Variants in TOP2B observed in about 807,000 individuals in gnomAD.
TOP2B encodes DNA topoisomerase II beta.
In TOP2B, 51 loss-of-function variants were observed where a neutral mutation model predicts 193.5. That is an observed-to-expected ratio of 0.26 (90% CI 0.21 to 0.33). The LOEUF (loss-of-function observed/expected upper bound fraction) is 0.33, where lower values mean the gene tolerates loss of function less well. Among genes scored for constraint, TOP2B ranks in the 10% least tolerant of loss-of-function variants. The pLI is 1.00. For synonymous variants in TOP2B, 634 were observed against 635.7 expected (o/e 1.00, Z 0.04); for missense variants, 1,378 against 1,909.3 (o/e 0.72, Z 5.19).
At chr3:25,614,989 TTTAA>T (rs1559495052) in intron 27 of TOP2B, among the ~76,000 whole-genome samples, 1 of 152,052 alleles carries the variant, frequency 6.6e-6, no homozygotes. Context: ...TGAAAGCAGA[TTTAA>T]TTTATTCTAA....
At chr3:25,631,894 A>T (rs190090394) in intron 10 of TOP2B, among the ~76,000 whole-genome samples, 1 of 152,156 alleles carries the variant, frequency 6.6e-6, no homozygotes, top group East Asian at 1.9e-4. Context: ...GTTCTAGGGC[A>T]GTTATAGAGC....
chr3:25,625,921 C>A (rs1702788668), intron 18 of TOP2B, among the ~76,000 whole-genome samples: 1 of 151,938 alleles, frequency 6.6e-6, no homozygotes. Context: ...TATCTAAGAC[C>A]AATTTAGAGT....
chr3:25,598,257 A>AAAGGACAACACAAGATAT lies in TOP2B; in HGVS notation c.*32_*49dup. The AAAGGACAACACAAGATAT allele has an allele frequency of 6.5e-7, 1 of 1,534,892 alleles. No homozygotes were observed. The highest frequency in any genetic ancestry group is 8.8e-7 in the Non-Finnish European group (1 of 1,133,988). Reference sequence around the variant, plus strand: ...ACAAAAGTCTGAGACAGAGAAGACAAAAGGACAACACAAGATATTTGTTGA... The same window carrying AAAGGACAACACAAGATAT: ...ACAAAAGTCTGAGACAGAGAAGACAAAAGGACAACACAAGATATAAGGACAACACAAGATATTTGTTGA... On this transcript the variant is annotated 3_prime_UTR_variant, in exon 36 of 36. Transcript: ENST00000264331.
At chr3:25,607,025 A>C in intron 31 of TOP2B, 146 bp downstream of exon 31, 1,096 of 980,646 alleles carry the variant, frequency 1.1e-3, no homozygotes, top group Non-Finnish European at 1.3e-3. Flanking sequence ...TGTGATGGGA[A>C]CAGCTGCAAT....
intron 1 of TOP2B, among the ~76,000 whole-genome samples, chr3:25,657,213 G>A (rs11917359): frequency 0.16 from 24,662 of 152,036 alleles, 3,266 homozygotes; most frequent in African/African-American, 0.37. Context: ...ACTCCTGTTT[G>A]TCAGCAGAAA....
rs745816721 is a variant in TOP2B at position 25,598,460 on chromosome 3, A to AGAT, written c.4725_4727dup (p.Ser1576dup). On this transcript the variant is annotated inframe_insertion, in exon 36 of 36. Coordinates refer to ENST00000264331, the MANE Select transcript of TOP2B (RefSeq NM_001330700.2). ...TGTCCACATCTGAATCCTGATCAAA[A>AGAT]GATGTCTTCTTCGGTTTCTAGATTT... 61 of 1,589,452 alleles carry AGAT rather than the reference A, an allele frequency of 3.8e-5. No individual in the cohort carries two copies. Among genetic ancestry groups the AGAT allele is most frequent in the East Asian group, 3.8e-4 (17 of 44,580 alleles).
rs191315549 is a variant in TOP2B, at chr3:25,601,256, A to G, written c.4490-31T>C. 3.1e-5 allele frequency: 49 copies of G among 1,598,982 alleles called. No individual in the cohort carries two copies. In the African/African-American group the frequency reaches 6.3e-4, roughly 20 times the overall value. ...AAGCAAATTTCCATTTCACAGGTCA[A>G]TATACTTACCAACAAACCAAACTGA... On this transcript the variant is annotated intron_variant, in intron 33 of 35. Coordinates refer to ENST00000264331, the MANE Select transcript of TOP2B (RefSeq NM_001330700.2).
At chr3:25,655,229 G>T (rs1703709525) in intron 1 of TOP2B, among the ~76,000 whole-genome samples, 1 of 152,048 alleles carries the variant, frequency 6.6e-6, no homozygotes, top group East Asian at 1.9e-4. Flanking sequence ...ATGGATAAAG[G>T]ATTTCAATAG....
At chr3:25,629,172 AT>A (rs777059516) in intron 13 of TOP2B, 27 bp from the exon 14 acceptor site, 1 of 1,449,970 alleles carries the variant, frequency 6.9e-7, no homozygotes, top group Admixed American at 2.3e-5. Flanking sequence ...AAAGTAAAAA[AT>A]GTTGTAATAC....
In TOP2B at chr3:25,598,503, A is replaced by AAGTT. The variant is rs763695347; in HGVS notation, c.4711-30_4711-27dup. The AAGTT allele has an allele frequency of 1.2e-4, 179 of 1,529,852 alleles. 2 individuals carry two copies. The highest frequency in any genetic ancestry group is 5.2e-4 in the South Asian group (41 of 79,168). 94.8% of individuals were successfully genotyped at this position (1,529,852 alleles called of 1,614,324 possible). A position where few individuals can be genotyped will look rare whatever the true frequency, so the allele number is the denominator to read the frequency against. On this transcript the variant is annotated intron_variant, in intron 35 of 35. Transcript: ENST00000264331. ...CTAGATTTTTTTTCAATAGATTTAA[A>AAGTT]AGTTATGAAAGGAAGTAAAGACTAG...
chr3:25,609,774 T>G (rs972984258), intron 28 of TOP2B, 62 bp from the exon 29 acceptor site: 1 of 1,405,056 alleles, frequency 7.1e-7, no homozygotes, highest in Non-Finnish European at 9.3e-7. Context: ...ATTTTAGAGA[T>G]AGTTTCAATC....
chr3:25,627,319 G>A (rs1702828943), intron 15 of TOP2B, 23 bp from the exon 16 acceptor site: 3 of 1,469,196 alleles, frequency 2.0e-6, no homozygotes, highest in East Asian at 2.3e-5. Flanking sequence ...AAAAATAAAA[G>A]TGAGTCATGA....
chr3:25,633,798 C>T (rs745897081), intron 8 of TOP2B, 43 bp downstream of exon 8: 2 of 1,482,108 alleles, frequency 1.3e-6, no homozygotes, highest in Non-Finnish European at 9.0e-7. Context: ...TATTGAAGTA[C>T]TGTTCTACCA....
At position 25,612,507 on chromosome 3, in the gene TOP2B, T is replaced by A; in HGVS notation, c.3786+8A>T. On this transcript the variant is annotated splice_region_variant and intron_variant, in intron 28 of 35. Coordinates refer to ENST00000264331, the MANE Select transcript of TOP2B (RefSeq NM_001330700.2). ...ATGAGTCTATCAATGACAAGAGGTA[T>A]GTCATACCTTCTTCTTCTTCAGCAA... is the stretch of plus-strand genomic sequence containing the variant. The A allele has an allele frequency of 6.3e-7, 1 of 1,594,708 alleles. No individual in the cohort carries two copies. Among genetic ancestry groups the A allele is most frequent in the Non-Finnish European group, 8.5e-7 (1 of 1,170,340 alleles).
At position 25,640,598 on chromosome 3, in the gene TOP2B, AAC is replaced by A. The variant is rs1236394686; in HGVS notation, c.395+1722_395+1723del. Reference sequence around the variant, plus strand: ...TACACAAAAATGTTTGCTGATTAAAAACAGAGTATAAAATGAAGTGATAAAGG... The same window carrying A: ...TACACAAAAATGTTTGCTGATTAAAAAGAGTATAAAATGAAGTGATAAAGG... On this transcript the variant is annotated intron_variant, in intron 4 of 35. Coordinates refer to ENST00000264331, the MANE Select transcript of TOP2B (RefSeq NM_001330700.2). 3.9e-5 allele frequency among the ~76,000 whole-genome samples: 6 copies of A among 152,288 alleles called. No homozygotes were observed. The East Asian group carries it at 7.7e-4, about 20-fold the overall frequency.
At chr3:25,650,866 T>C (rs1267390596) in intron 1 of TOP2B, among the ~76,000 whole-genome samples, 4 of 152,214 alleles carry the variant, frequency 2.6e-5, no homozygotes, top group Admixed American at 6.5e-5. Flanking sequence ...ATCAATGATT[T>C]CACCATTCTT....
rs368123985 is a variant in TOP2B at position 25,599,007 on chromosome 3, A to AAAT, written c.4710+425_4710+427dup. Reference sequence around the variant, plus strand: ...CTGATGTCATTCATTTACCTAAAAGAAATAGTGTACTTCTGGAAAAGGGTC... The same window carrying AAAT: ...CTGATGTCATTCATTTACCTAAAAGAAATAATAGTGTACTTCTGGAAAAGGGTC... On this transcript the variant is annotated intron_variant, in intron 35 of 35. Coordinates refer to ENST00000264331, the MANE Select transcript of TOP2B (RefSeq NM_001330700.2). 3.7e-3 allele frequency among the ~76,000 whole-genome samples: 556 copies of AAAT among 152,290 alleles called. 1 individual carries two copies. Among genetic ancestry groups the AAAT allele is most frequent in the African/African-American group, 0.013 (531 of 41,554 alleles).
chr3:25,600,333 T>C (rs1702057533), intron 34 of TOP2B, among the ~76,000 whole-genome samples: 1 of 152,250 alleles, frequency 6.6e-6, no homozygotes, highest in Non-Finnish European at 1.5e-5. Context: ...TTAAATAATC[T>C]TGGGATGTCA....
chr3:25,603,240 TTC>T (rs1239447515), intron 33 of TOP2B, among the ~76,000 whole-genome samples: 1 of 152,120 alleles, frequency 6.6e-6, no homozygotes, highest in Non-Finnish European at 1.5e-5. Context: ...TTTTTGATTG[TTC>T]TGTTGTTGTT....
Sources: gnomAD v4.1 joint callset for allele counts (sites outside exome capture counted in the v4.1 genomes callset) on GRCh38, gnomAD v4.1.1 for gene constraint, MANE v1.5 for transcripts, NCBI Gene and HGNC (gene_info 2026-07-23, HGNC 2026-07-21) for gene names.